SLFN12L: variants seen among roughly 807,000 people sequenced by gnomAD.
The protein encoded by SLFN12L is schlafen family member 12-like.
A neutral mutation model predicts 34.8 loss-of-function variants in SLFN12L; 34 were observed. The observed-to-expected ratio is 0.98, with a 90% confidence interval of 0.74 to 1.30. The LOEUF (loss-of-function observed/expected upper bound fraction) is 1.30. Among genes scored for constraint, SLFN12L ranks in the 50% most tolerant of loss-of-function variants. The pLI is 0.00. For missense variants in SLFN12L, 703 were observed against 696.2 expected (o/e 1.01, Z -0.11); for synonymous variants, 259 against 247.5 (o/e 1.05, Z -0.44).
At position 35,468,174 on chromosome 17, in the gene SLFN12L, G is replaced by A. The variant is rs1322661974; in HGVS notation, c.*6749C>T. ...AATGCACCTGCTTTGGCCTCTCAAA[G>A]TGCTGGGATTACAGGCATGAGCTGC... On this transcript the variant is annotated 3_prime_UTR_variant, in exon 5 of 5. Transcript: ENST00000628453. Among the ~76,000 whole-genome samples the A allele has an allele frequency of 3.3e-5, 5 of 152,218 alleles. No individual in the cohort carries two copies. Among genetic ancestry groups the A allele is most frequent in the Non-Finnish European group, 7.3e-5 (5 of 68,042 alleles).
chr17:35,526,967 CT>C (rs2072341793), intron 1 of SLFN12L, among the ~76,000 whole-genome samples: 2 of 150,860 alleles, frequency 1.3e-5, no homozygotes, highest in Admixed American at 1.3e-4. Flanking sequence ...ACTACCGAGA[CT>C]AATAAAGAAG....
At chr17:35,490,263 A>G (rs1260128165) in intron 2 of SLFN12L, 10 of 1,526,100 alleles carry the variant, frequency 6.6e-6, no homozygotes, top group Non-Finnish European at 9.1e-6. Flanking sequence ...TACCTCTCGG[A>G]TGGTTCAAAA....
intron 2 of SLFN12L, among the ~76,000 whole-genome samples, chr17:35,519,992 A>G (rs1915951074): frequency 6.6e-6 from 1 of 152,114 alleles, no homozygotes. Flanking sequence ...TAAAATAAAC[A>G]TCATAAGACC....
At chr17:35,490,781 C>G in intron 2 of SLFN12L, 1 of 1,490,922 alleles carries the variant, frequency 6.7e-7, no homozygotes, top group African/African-American at 1.4e-5. Context: ...GTGAAAGCCC[C>G]TCCAGAAATA....
rs1293453187 is a variant in SLFN12L, at chr17:35,469,344, T to G, written c.*5579A>C. Among the ~76,000 whole-genome samples the G allele has an allele frequency of 6.9e-6, 1 of 144,938 alleles. No individual in the cohort carries two copies. ...TATATATAAATATATATATAATATA[T>G]ATATATATGTATTTCAAACTTTTAA... is the stretch of plus-strand genomic sequence containing the variant. On this transcript the variant is annotated 3_prime_UTR_variant, in exon 5 of 5. Transcript: ENST00000628453.
intron 1 of SLFN12L, among the ~76,000 whole-genome samples, chr17:35,533,879 G>A (rs1033616753): frequency 5.9e-5 from 9 of 151,990 alleles, no homozygotes; most frequent in Non-Finnish European, 1.0e-4. Context: ...TCAGGAGTTC[G>A]AGACCAGCCT....
rs758173645 is a variant in SLFN12L, at chr17:35,479,648, C to A, written c.634G>T (p.Asp212Tyr). 6.2e-7 allele frequency: 1 copy of A among 1,611,064 alleles called. No individual in the cohort carries two copies. Among genetic ancestry groups the A allele is most frequent in the Non-Finnish European group, 8.5e-7 (1 of 1,178,368 alleles). The change falls in exon 3 of 5, where the codon GAT becomes TAT. Residue 212 changes from aspartate (D) to tyrosine (Y), a missense_variant. Asp to Tyr is a radical substitution (Grantham distance 160, BLOSUM62 -3). Transcript: ENST00000628453. ...PEFPAKRACV[D>Y]VQEESNMEAL... ...TCCATGTTACTTTCTTCTTGTACAT[C>A]AACACAGGCCCTTTTTGCAGGGAAT...
intron 2 of SLFN12L, among the ~76,000 whole-genome samples, chr17:35,502,438 A>C (rs1298154662): frequency 2.0e-5 from 3 of 147,200 alleles, no homozygotes; most frequent in South Asian, 2.2e-4. Context: ...AAAAAAAAAA[A>C]AAAAACGATG....
At chr17:35,516,053 T>C (rs1180750780) in intron 2 of SLFN12L, among the ~76,000 whole-genome samples, 1 of 152,164 alleles carries the variant, frequency 6.6e-6, no homozygotes, top group East Asian at 1.9e-4. Flanking sequence ...TATAAACACT[T>C]AGTAACATCT....
rs148460914 is a variant in SLFN12L at position 35,526,682 on chromosome 17, C to T, written c.-605-3713G>A. On this transcript the variant is annotated intron_variant, in intron 1 of 4. Transcript: ENST00000628453. ...CAATGAGAACAAAGACACAACGTGC[C>T]GGAATCTCTGGGACACATTTAAAGC... is the stretch of plus-strand genomic sequence containing the variant. 1.2e-3 allele frequency among the ~76,000 whole-genome samples: 177 copies of T among 152,118 alleles called. 2 individuals carry two copies. In the Middle Eastern group the frequency reaches 0.02, roughly 18 times the overall value.
intron 4 of SLFN12L, among the ~76,000 whole-genome samples, chr17:35,476,775 G>GA (rs1914046931): frequency 9.4e-6 from 1 of 105,968 alleles, no homozygotes; most frequent in African/African-American, 4.6e-5. Context: ...TATCACTGGT[G>GA]TTCTGTCTGC....
chr17:35,525,643 T>C (rs1290058165), intron 1 of SLFN12L, among the ~76,000 whole-genome samples: 1 of 152,164 alleles, frequency 6.6e-6, no homozygotes, highest in Non-Finnish European at 1.5e-5. Flanking sequence ...TAAAATCCTT[T>C]ACAGACAAGA....
At chr17:35,498,003 G>A (rs1915149176) in intron 2 of SLFN12L, among the ~76,000 whole-genome samples, 1 of 152,200 alleles carries the variant, frequency 6.6e-6, no homozygotes, top group Admixed American at 6.5e-5. Context: ...GTACAACATA[G>A]CGAGACCCTG....
At chr17:35,536,870 C>A (rs562095167) in intron 1 of SLFN12L, among the ~76,000 whole-genome samples, 3 of 151,040 alleles carry the variant, frequency 2.0e-5, no homozygotes, top group Non-Finnish European at 1.5e-5. Context: ...AATCAGCTAA[C>A]TGCTAAAGAA....
intron 1 of SLFN12L, among the ~76,000 whole-genome samples, chr17:35,536,327 A>T (rs2142183308): frequency 6.6e-6 from 1 of 152,350 alleles, no homozygotes; most frequent in East Asian, 1.9e-4. Context: ...CAAAAGTCAC[A>T]TGTAAAAACA....
chr17:35,518,369 C>T (rs188968756), intron 2 of SLFN12L, among the ~76,000 whole-genome samples: 52 of 152,040 alleles, frequency 3.4e-4, no homozygotes, highest in Admixed American at 2.1e-3. Flanking sequence ...CTGGCCAACA[C>T]GGTGAAACCC....
chr17:35,530,117 C>CTTTT (rs35836415), intron 1 of SLFN12L, among the ~76,000 whole-genome samples: 1 of 109,474 alleles, frequency 9.1e-6, no homozygotes, highest in South Asian at 3.1e-4. Flanking sequence ...ACTGCTTTGT[C>CTTTT]TTTTTTTTTT....
At chr17:35,506,586 T>C (rs1240218015) in intron 2 of SLFN12L, among the ~76,000 whole-genome samples, 1 of 152,196 alleles carries the variant, frequency 6.6e-6, no homozygotes, top group Non-Finnish European at 1.5e-5. Flanking sequence ...ATAAATGCTC[T>C]CCTGAGCCAG....
chr17:35,493,941 T>A (rs907544231), intron 2 of SLFN12L, among the ~76,000 whole-genome samples: 1 of 152,078 alleles, frequency 6.6e-6, no homozygotes, highest in Non-Finnish European at 1.5e-5. Flanking sequence ...TACGTGTAGA[T>A]CTGTAAATAA....
Sources: allele counts gnomAD v4.1 joint callset (sites outside exome capture counted in the v4.1 genomes callset), GRCh38; gene constraint gnomAD v4.1.1; transcripts MANE v1.5; gene names NCBI Gene and HGNC (gene_info 2026-07-23, HGNC 2026-07-21).